Variants in SGCD observed in about 807,000 individuals in gnomAD.
SGCD encodes delta-sarcoglycan.
Under a neutral mutation model 36.6 loss-of-function variants are expected in SGCD, and 18 were observed. The observed-to-expected ratio is 0.49, with a 90% CI of 0.34 to 0.73. The LOEUF is 0.73. SGCD is among the 30% of genes least tolerant of loss of function. The pLI is 0.01. For synonymous variants in SGCD, 133 were observed against 130.6 expected, an observed-to-expected ratio of 1.02 and a Z score of -0.12; for missense variants, 387 against 346.7, an observed-to-expected ratio of 1.12 and a Z score of -0.92.
rs533993414 is a variant in SGCD, at chr5:156,610,139, G to T, written c.502+15088G>T. On this transcript the variant is annotated intron_variant, in intron 6 of 8. Coordinates refer to ENST00000337851, the MANE Select transcript of SGCD (RefSeq NM_000337.6). ...AGGTGCTCTGATTTTTAGAGTTTCC[G>T]GTTTTTCTGCTGTTTTTTCCCCATC... Among the ~76,000 whole-genome samples the T allele has an allele frequency of 9.6e-5, 13 of 135,372 alleles. No individual in the cohort carries two copies. In the East Asian group the frequency reaches 1.9e-3, roughly 20 times the overall value. The allele number at this position is 135,372 out of a possible 152,430, so 88.8% of individuals were successfully genotyped here.
intron 7 of SGCD, among the ~76,000 whole-genome samples, chr5:156,721,790 G>T (rs1482757403): frequency 6.6e-6 from 1 of 152,210 alleles, no homozygotes; most frequent in Non-Finnish European, 1.5e-5. Flanking sequence ...TGGGAGACAA[G>T]GTGAGGACTG....
chr5:156,657,133 C>G (rs1335560459), intron 7 of SGCD, among the ~76,000 whole-genome samples: 2 of 151,844 alleles, frequency 1.3e-5, no homozygotes, highest in Non-Finnish European at 2.9e-5. Flanking sequence ...TCTATTAGAG[C>G]CTTAGGGGTG....
intron 3 of SGCD, among the ~76,000 whole-genome samples, chr5:156,145,641 G>T (rs918843538): frequency 6.6e-6 from 1 of 152,128 alleles, no homozygotes; most frequent in African/African-American, 2.4e-5. Context: ...ATAATTATTA[G>T]CAGTTCTAGT....
chr5:156,595,049 T>C lies in SGCD; in HGVS notation c.500T>C (p.Leu167Ser). 1 of 1,610,342 alleles carries C rather than the reference T, an allele frequency of 6.2e-7. No homozygotes were observed. Among genetic ancestry groups the C allele is most frequent in the Non-Finnish European group, 8.5e-7 (1 of 1,178,010 alleles). Residue 167 changes from leucine (L) to serine (S), a missense_variant and splice_region_variant, in exon 6 of 9, where the codon TTA becomes TCA. Physicochemically the swap from Leu to Ser is moderately radical, Grantham distance 145. Coordinates refer to ENST00000337851, the MANE Select transcript of SGCD (RefSeq NM_000337.6). ...GTAGGAGCTGAAAGATTACGAGTTT[T>C]AGGTAAGGAAACTTGAATCATTTAA... ...VVVGAERLRV[L>S]GAEGTVFPKS...
At chr5:156,434,714 G>A (rs940736991) in intron 3 of SGCD, among the ~76,000 whole-genome samples, 2 of 152,172 alleles carry the variant, frequency 1.3e-5, no homozygotes, top group African/African-American at 4.8e-5. Context: ...ATCATTAGGC[G>A]ATTGAGTTGA....
intron 3 of SGCD, among the ~76,000 whole-genome samples, chr5:156,431,160 C>A (rs1430561363): frequency 6.6e-6 from 1 of 152,172 alleles, no homozygotes; most frequent in Non-Finnish European, 1.5e-5. Flanking sequence ...AGCTATCCAC[C>A]TCACAGCCTC....
At chr5:155,770,823 G>A in the SGCD span, among the ~76,000 whole-genome samples, 2 of 152,142 alleles carry the variant, frequency 1.3e-5, no homozygotes, top group African/African-American at 2.4e-5. Context: ...CCGCAAGCTC[G>A]ATAAGTTCAT....
chr5:156,077,319 C>A (rs1206530284), intron 1 of SGCD, among the ~76,000 whole-genome samples: 1 of 152,160 alleles, frequency 6.6e-6, no homozygotes, highest in Non-Finnish European at 1.5e-5. Context: ...ATCATTTACC[C>A]ATTTCCCCCT....
the SGCD span, among the ~76,000 whole-genome samples, chr5:155,854,729 A>G: frequency 1.3e-5 from 2 of 152,222 alleles, no homozygotes; most frequent in Non-Finnish European, 2.9e-5. Flanking sequence ...ATCTCTTAAT[A>G]GAAGTATTAC....
chr5:156,725,257 A>G (rs367882735), intron 7 of SGCD, among the ~76,000 whole-genome samples: 1 of 152,342 alleles, frequency 6.6e-6, no homozygotes, highest in East Asian at 1.9e-4. Context: ...GGGGAGAACC[A>G]TGCTTGATCA....
chr5:156,719,286 T>G (rs1755372586), intron 7 of SGCD, among the ~76,000 whole-genome samples: 1 of 152,046 alleles, frequency 6.6e-6, no homozygotes, highest in Admixed American at 6.6e-5. Flanking sequence ...ATTGAGACTT[T>G]CAACTGATTG....
intron 3 of SGCD, among the ~76,000 whole-genome samples, chr5:156,442,891 G>T (rs764545391): frequency 6.6e-6 from 1 of 152,172 alleles, no homozygotes; most frequent in African/African-American, 2.4e-5. Flanking sequence ...GATTTTAGAC[G>T]GTGGTTGGTA....
chr5:156,738,468 C>T (rs1756490457), intron 7 of SGCD: 1 of 152,204 alleles, frequency 6.6e-6, no homozygotes, highest in Non-Finnish European at 1.5e-5. Flanking sequence ...TCAGTTTTGA[C>T]CTCTGGCAAA....
the SGCD span, among the ~76,000 whole-genome samples, chr5:155,847,690 A>G: frequency 0.19 from 28,854 of 152,154 alleles, 3,686 homozygotes; most frequent in Admixed American, 0.4. Context: ...AGCTTAAACC[A>G]GCCACTTGGA....
At chr5:155,761,484 T>G in the SGCD span, among the ~76,000 whole-genome samples, 1 of 143,144 alleles carries the variant, frequency 7.0e-6, no homozygotes, top group Non-Finnish European at 1.5e-5. Flanking sequence ...ACCCTCTCCA[T>G]CACCTTCTCC....
At chr5:156,568,759 T>G (rs1759598367) in intron 4 of SGCD, among the ~76,000 whole-genome samples, 1 of 152,190 alleles carries the variant, frequency 6.6e-6, no homozygotes, top group Admixed American at 6.5e-5. Flanking sequence ...CCTGGGACAG[T>G]GCATCATAGA....
At position 156,211,629 on chromosome 5, in the gene SGCD, C is replaced by T. The variant is rs540656875; in HGVS notation, c.-44+87610C>T. On this transcript the variant is annotated intron_variant, in intron 3 of 9. Transcript: ENST00000517913. The stretch of plus-strand genomic sequence containing the variant: ...ACTCAAAAAAAAAAAAAAAAAGATG[C>T]AAGAAAACAGTGATAATTAGTAGCA... 3.4e-5 allele frequency among the ~76,000 whole-genome samples: 5 copies of T among 148,812 alleles called. No homozygotes were observed. In the South Asian group the frequency reaches 1.1e-3, roughly 32 times the overall value.
intron 1 of SGCD, among the ~76,000 whole-genome samples, chr5:156,069,443 G>A (rs569074401): frequency 2.6e-5 from 4 of 152,038 alleles, no homozygotes; most frequent in East Asian, 3.9e-4. Flanking sequence ...TAGATATGTG[G>A]CGTTATTTCT....
chr5:155,834,717 T>C, the SGCD span, among the ~76,000 whole-genome samples: 1 of 152,184 alleles, frequency 6.6e-6, no homozygotes, highest in African/African-American at 2.4e-5. Context: ...TCACCCAGCC[T>C]TTCCCTGCAT....
Sources: allele counts gnomAD v4.1 joint callset (sites outside exome capture counted in the v4.1 genomes callset), GRCh38; gene constraint gnomAD v4.1.1; transcripts MANE v1.5; gene names NCBI Gene and HGNC (gene_info 2026-07-23, HGNC 2026-07-21).